Variants in KCNT2 observed in about 807,000 individuals in gnomAD.
The protein encoded by KCNT2 is potassium sodium-activated channel subfamily T member 2, also known as potassium channel subfamily T member 2.
Under a neutral mutation model 153.8 loss-of-function variants are expected in KCNT2, and 67 were observed. The observed-to-expected ratio is 0.44, with a 90% CI of 0.36 to 0.53. The LOEUF (loss-of-function observed/expected upper bound fraction) is 0.53, where lower values mean the gene tolerates loss of function less well. Among genes scored for constraint, KCNT2 ranks in the 20% least tolerant of loss-of-function variants. The pLI, the probability that KCNT2 is intolerant of heterozygous loss-of-function variation, is 0.00. For synonymous variants in KCNT2, 500 were observed against 458.8 expected (o/e 1.09, Z -1.15); for missense variants, 975 against 1,354.8 (o/e 0.72, Z 4.40).
intron 1 of KCNT2, among the ~76,000 whole-genome samples, chr1:196,575,941 G>A (rs571931707): frequency 2.1e-5 from 3 of 143,872 alleles, no homozygotes; most frequent in African/African-American, 7.7e-5. Flanking sequence ...TCATGCCACT[G>A]CACTCCAGCC....
chr1:196,570,710 T>C (rs1341490124), intron 1 of KCNT2, among the ~76,000 whole-genome samples: 1 of 152,100 alleles, frequency 6.6e-6, no homozygotes, highest in Non-Finnish European at 1.5e-5. Context: ...TGCCTAGGAT[T>C]CTCACTTCTT....
At chr1:196,335,536 G>A (rs1558160569) in intron 16 of KCNT2, among the ~76,000 whole-genome samples, 1 of 152,004 alleles carries the variant, frequency 6.6e-6, no homozygotes, top group Admixed American at 6.6e-5. Flanking sequence ...GTAAAAACAT[G>A]GTATTACAAT....
chr1:196,236,206 A>C, intron 26 of KCNT2, 136 bp from the exon 27 acceptor site: 3 of 610,230 alleles, frequency 4.9e-6, no homozygotes, highest in South Asian at 4.0e-5. Context: ...ATGATTGTGC[A>C]CATAAGTTTG....
At chr1:196,600,664 A>ATGTT (rs10660110) in intron 1 of KCNT2, among the ~76,000 whole-genome samples, 149,657 of 152,284 alleles carry the variant, frequency 0.98, 73,582 homozygotes, top group Middle Eastern at 1. Flanking sequence ...ATCACACTGA[A>ATGTT]TGACAGATTA....
At chr1:196,248,057 A>G (rs1325631758) in intron 26 of KCNT2, among the ~76,000 whole-genome samples, 1 of 152,208 alleles carries the variant, frequency 6.6e-6, no homozygotes, top group Non-Finnish European at 1.5e-5. Flanking sequence ...CAATGGCTCA[A>G]TGAAGATATT....
chr1:196,582,038 T>C (rs1438223121), intron 1 of KCNT2, among the ~76,000 whole-genome samples: 1 of 152,078 alleles, frequency 6.6e-6, no homozygotes, highest in African/African-American at 2.4e-5. Context: ...AAAACCAACA[T>C]GTATGTATTT....
intron 16 of KCNT2, among the ~76,000 whole-genome samples, chr1:196,338,322 G>A (rs529327859): frequency 1.3e-5 from 2 of 152,176 alleles, no homozygotes; most frequent in South Asian, 4.1e-4. Flanking sequence ...CAGGAGAGCA[G>A]CAAAGAGGTG....
intron 1 of KCNT2, among the ~76,000 whole-genome samples, chr1:196,538,221 G>A (rs1655865270): frequency 1.3e-5 from 2 of 151,950 alleles, no homozygotes; most frequent in South Asian, 4.2e-4. Flanking sequence ...CCCATCTACT[G>A]CCACCCAGGT....
chr1:196,424,418 A>G (rs1243086416), intron 11 of KCNT2, among the ~76,000 whole-genome samples: 1 of 151,978 alleles, frequency 6.6e-6, no homozygotes, highest in East Asian at 1.9e-4. Flanking sequence ...GAATACAATG[A>G]TCTAGATTAC....
chr1:196,606,860 T>C (rs1665380228), intron 1 of KCNT2, among the ~76,000 whole-genome samples: 1 of 152,196 alleles, frequency 6.6e-6, no homozygotes, highest in African/African-American at 2.4e-5. Context: ...TATCTAAATG[T>C]CAATTTGTAT....
At position 196,236,017 on chromosome 1, in the gene KCNT2, G is replaced by C; in HGVS notation, c.3265C>G (p.Pro1089Ala). 5 of 1,603,516 alleles carry C rather than the reference G, an allele frequency of 3.1e-6. No homozygotes were observed. Among genetic ancestry groups the C allele is most frequent in the Non-Finnish European group, 4.3e-6 (5 of 1,171,454 alleles). ...TCATTCAGCTCTATTCTGGTATCTGGAGATGGGTTAATCAGGATGTAGGAG... is the reference window on the plus strand; with the variant it reads ...TCATTCAGCTCTATTCTGGTATCTGCAGATGGGTTAATCAGGATGTAGGAG... ...TLSYILINPS[P>A]DTRIELNDVV... Residue 1089 changes from proline (P) to alanine (A), a missense_variant, in exon 27 of 28, where the codon CCA becomes GCA. Physicochemically the swap from Pro to Ala is conservative, Grantham distance 27. This residue lies in a region of KCNT2 where 241 missense variants were observed against 271.1 expected (regional missense o/e 0.89). Transcript: ENST00000294725.
intron 5 of KCNT2, among the ~76,000 whole-genome samples, chr1:196,472,922 CCAGGCCTACTCTT>C (rs1252504112): frequency 6.6e-6 from 1 of 152,116 alleles, no homozygotes; most frequent in Non-Finnish European, 1.5e-5. Context: ...TTACGCCAGA[CCAGGCCTACTCTT>C]CAGAACTATT....
At chr1:196,365,362 G>A (rs1667952581) in intron 14 of KCNT2, among the ~76,000 whole-genome samples, 2 of 151,972 alleles carry the variant, frequency 1.3e-5, no homozygotes. Flanking sequence ...GCAGACAAAA[G>A]AGTTTTATAC....
At chr1:196,551,224 A>T (rs761467586) in intron 1 of KCNT2, among the ~76,000 whole-genome samples, 2 of 151,828 alleles carry the variant, frequency 1.3e-5, no homozygotes, top group Admixed American at 6.6e-5. Context: ...CTTCTGTTGA[A>T]TTGTTTTCAT....
intron 25 of KCNT2, among the ~76,000 whole-genome samples, chr1:196,260,057 A>T (rs1656865521): frequency 6.6e-6 from 1 of 151,896 alleles, no homozygotes. Flanking sequence ...ACTTTGTAGC[A>T]ACAATGAAAA....
chr1:196,255,766 T>A (rs1295324258), intron 26 of KCNT2, among the ~76,000 whole-genome samples: 1 of 151,928 alleles, frequency 6.6e-6, no homozygotes, highest in Non-Finnish European at 1.5e-5. Flanking sequence ...GATTTTGGAA[T>A]TACAAGTGAA....
At chr1:196,299,986 G>A (rs1185629107) in intron 22 of KCNT2, among the ~76,000 whole-genome samples, 1 of 152,164 alleles carries the variant, frequency 6.6e-6, no homozygotes, top group Non-Finnish European at 1.5e-5. Context: ...CAGTCATTAT[G>A]TTAAGAAAAA....
intron 1 of KCNT2, among the ~76,000 whole-genome samples, chr1:196,564,336 G>T (rs182904861): frequency 6.6e-6 from 1 of 151,966 alleles, no homozygotes; most frequent in African/African-American, 2.4e-5. Context: ...ACAAAACACT[G>T]ATGAAAGAAA....
chr1:196,235,206 C>T (rs138927944), intron 27 of KCNT2, among the ~76,000 whole-genome samples: 23 of 151,470 alleles, frequency 1.5e-4, no homozygotes, highest in Non-Finnish European at 2.5e-4. Context: ...GACACTGAAA[C>T]ACTTTATGCA....
Sources: gnomAD v4.1 joint callset for allele counts (sites outside exome capture counted in the v4.1 genomes callset) on GRCh38, gnomAD v4.1.1 for gene constraint, gnomAD v4.1.1 regional missense constraint, MANE v1.5 for transcripts, NCBI Gene and HGNC (gene_info 2026-07-23, HGNC 2026-07-21) for gene names.